DLG2: variants seen among roughly 807,000 people sequenced by gnomAD.
DLG2 encodes discs large MAGUK scaffold protein 2.
Under a neutral mutation model 132.5 loss-of-function variants are expected in DLG2, and 45 were observed. The observed-to-expected ratio is 0.34, with a 90% CI of 0.27 to 0.44. The LOEUF is 0.44. Ranked by LOEUF, DLG2 falls within the 20% of genes least tolerant of loss-of-function variation. The pLI, the probability that DLG2 is intolerant of heterozygous loss-of-function variation, is 1.00. For missense variants in DLG2, 1,045 were observed against 1,196.9 expected (o/e 0.87, Z 1.87); for synonymous variants, 424 against 419.6 (o/e 1.01, Z -0.13).
intron 11 of DLG2, among the ~76,000 whole-genome samples, chr11:84,049,441 C>T (rs938767213): frequency 9.9e-5 from 15 of 151,758 alleles, no homozygotes; most frequent in Non-Finnish European, 2.1e-4. Context: ...TTCACTCATA[C>T]GGACTCTTCG....
intron 3 of DLG2, among the ~76,000 whole-genome samples, chr11:85,288,760 A>G (rs2078713098): frequency 6.6e-6 from 1 of 152,164 alleles, no homozygotes; most frequent in Non-Finnish European, 1.5e-5. Context: ...TGTAATGAAT[A>G]AAACAATTTT....
chr11:84,727,051 G>T (rs969894168), intron 6 of DLG2, among the ~76,000 whole-genome samples: 10 of 152,162 alleles, frequency 6.6e-5, no homozygotes, highest in African/African-American at 2.4e-4. Flanking sequence ...TAGGTTGCCT[G>T]TTCACTCTGA....
chr11:85,131,298 CTT>C (rs1269569921), intron 5 of DLG2, among the ~76,000 whole-genome samples: 1 of 151,960 alleles, frequency 6.6e-6, no homozygotes, highest in African/African-American at 2.4e-5. Context: ...CTTTTGATAA[CTT>C]ATTTTTACAA....
chr11:85,221,145 C>T (rs1160261140), intron 4 of DLG2, among the ~76,000 whole-genome samples: 3 of 151,672 alleles, frequency 2.0e-5, no homozygotes, highest in Non-Finnish European at 4.4e-5. Flanking sequence ...TGGGTTCATG[C>T]CATTCTCCTG....
intron 11 of DLG2, among the ~76,000 whole-genome samples, chr11:84,039,250 G>C (rs576530338): frequency 3.4e-5 from 5 of 148,032 alleles, no homozygotes; most frequent in Admixed American, 2.7e-4. Context: ...TTAAGATTTA[G>C]GGTACATGTG....
At chr11:84,832,633 A>T (rs2079188226) in intron 6 of DLG2, among the ~76,000 whole-genome samples, 1 of 151,668 alleles carries the variant, frequency 6.6e-6, no homozygotes, top group African/African-American at 2.4e-5. Context: ...AACATAAATA[A>T]GTAATCATAC....
chr11:84,757,689 A>G (rs1483116212), intron 6 of DLG2, among the ~76,000 whole-genome samples: 7 of 151,522 alleles, frequency 4.6e-5, no homozygotes, highest in East Asian at 3.9e-4. Context: ...CTGTTATTAC[A>G]CCATTTAATA....
At chr11:83,900,805 G>C (rs1409342669) in intron 15 of DLG2, among the ~76,000 whole-genome samples, 2 of 152,182 alleles carry the variant, frequency 1.3e-5, no homozygotes, top group African/African-American at 4.8e-5. Flanking sequence ...GGAGCTGCAG[G>C]AAGAGAACCA....
chr11:84,058,651 C>G (rs2096543741), intron 11 of DLG2, among the ~76,000 whole-genome samples: 1 of 151,292 alleles, frequency 6.6e-6, no homozygotes, highest in Non-Finnish European at 1.5e-5. Flanking sequence ...CCTGCCACTG[C>G]ACTCTAGCCT....
chr11:83,950,211 T>C (rs1160555995), intron 14 of DLG2, among the ~76,000 whole-genome samples: 1 of 152,206 alleles, frequency 6.6e-6, no homozygotes, highest in East Asian at 1.9e-4. Flanking sequence ...GTTATCACTA[T>C]TACCACAATT....
chr11:84,647,036 T>G (rs2099675822), intron 6 of DLG2, among the ~76,000 whole-genome samples: 1 of 152,092 alleles, frequency 6.6e-6, no homozygotes, highest in African/African-American at 2.4e-5. Flanking sequence ...TACAAATTTA[T>G]AAATGCTAGA....
chr11:84,302,244 G>A (rs2098163943), intron 7 of DLG2, among the ~76,000 whole-genome samples: 1 of 152,130 alleles, frequency 6.6e-6, no homozygotes, highest in African/African-American at 2.4e-5. Flanking sequence ...AATACCTAAT[G>A]TAGATGATGG....
intron 3 of DLG2, among the ~76,000 whole-genome samples, chr11:85,455,466 C>T (rs1465208265): frequency 2.6e-5 from 4 of 152,150 alleles, no homozygotes; most frequent in African/African-American, 4.8e-5. Flanking sequence ...ATGTCATCTG[C>T]AAGCAGGGAT....
intron 15 of DLG2, among the ~76,000 whole-genome samples, chr11:83,887,491 C>A (rs1411794579): frequency 6.6e-6 from 1 of 152,014 alleles, no homozygotes; most frequent in Non-Finnish European, 1.5e-5. Flanking sequence ...CAGGACCAGA[C>A]GGATTCACAG....
chr11:84,094,990 T>C (rs189692299), intron 10 of DLG2, among the ~76,000 whole-genome samples: 15 of 152,176 alleles, frequency 9.9e-5, no homozygotes, highest in African/African-American at 2.2e-4. Context: ...AACTTGAGAA[T>C]AGAAGTACAG....
intron 8 of DLG2, among the ~76,000 whole-genome samples, chr11:84,232,647 G>T (rs955845826): frequency 6.6e-6 from 1 of 152,144 alleles, no homozygotes; most frequent in African/African-American, 2.4e-5. Context: ...CTCTATGTGA[G>T]GACACAGCAG....
At chr11:85,483,435 G>T (rs1404699154) in intron 3 of DLG2, among the ~76,000 whole-genome samples, 1 of 152,084 alleles carries the variant, frequency 6.6e-6, no homozygotes, top group Admixed American at 6.6e-5. Context: ...AAAAGCTAAG[G>T]GAGTTTATCA....
At chr11:83,949,358 C>T (rs992319455) in intron 14 of DLG2, among the ~76,000 whole-genome samples, 6 of 151,912 alleles carry the variant, frequency 3.9e-5, no homozygotes, top group Non-Finnish European at 5.9e-5. Flanking sequence ...CTTTTCCCTT[C>T]CTTACCCCCA....
chr11:83,488,646 T>G (rs1280196694), intron 21 of DLG2, among the ~76,000 whole-genome samples: 1 of 152,022 alleles, frequency 6.6e-6, no homozygotes, highest in Non-Finnish European at 1.5e-5. Flanking sequence ...TTCATAGTTC[T>G]AAAATGTCAT....
Sources: allele counts gnomAD v4.1 joint callset (sites outside exome capture counted in the v4.1 genomes callset), GRCh38; gene constraint gnomAD v4.1.1; transcripts MANE v1.5; gene names NCBI Gene and HGNC (gene_info 2026-07-23, HGNC 2026-07-21).